The following RUBCNL variants were observed in gnomAD, a reference collection of about 807,000 sequenced individuals.
RUBCNL encodes rubicon like autophagy enhancer.
Under a neutral mutation model 69.5 loss-of-function variants are expected in RUBCNL, and 62 were observed. The observed-to-expected ratio is 0.89, with a 90% CI of 0.73 to 1.10. RUBCNL has a LOEUF of 1.10. RUBCNL is among the 50% of genes least tolerant of loss of function. RUBCNL has a pLI of 0.00. For synonymous variants in RUBCNL, 291 were observed against 303.6 expected (o/e 0.96, Z 0.43); for missense variants, 768 against 798.1 (o/e 0.96, Z 0.45).
intron 12 of RUBCNL, among the ~76,000 whole-genome samples, chr13:46,348,820 T>A (rs59926175): frequency 0.011 from 1,684 of 152,180 alleles, 26 homozygotes; most frequent in African/African-American, 0.037. Flanking sequence ...GCCAGGATGG[T>A]CTCGATCTCT....
At chr13:46,363,699 CA>C (rs1454854368) in intron 5 of RUBCNL, among the ~76,000 whole-genome samples, 2 of 151,452 alleles carry the variant, frequency 1.3e-5, no homozygotes, top group African/African-American at 4.9e-5. Context: ...ACAAAAAATA[CA>C]AAAAAATTAG....
At chr13:46,357,631 CT>C (rs61684147) in intron 9 of RUBCNL, among the ~76,000 whole-genome samples, 40,322 of 137,236 alleles carry the variant, frequency 0.29, 6,579 homozygotes, top group East Asian at 0.55. Context: ...AATTTTCTTT[CT>C]TTTTTTTTTT....
At chr13:46,381,740 G>A (rs1443397531) in intron 1 of RUBCNL, among the ~76,000 whole-genome samples, 2 of 151,994 alleles carry the variant, frequency 1.3e-5, no homozygotes, top group Non-Finnish European at 2.9e-5. Context: ...GCGCCACCAC[G>A]CCCGGCAATT....
At chr13:46,361,631 G>A in intron 7 of RUBCNL, 58 bp from the exon 8 acceptor site, 2 of 1,524,800 alleles carry the variant, frequency 1.3e-6, no homozygotes, top group South Asian at 2.4e-5. Flanking sequence ...TATGTTCAGG[G>A]TCTTCCTGAG....
At chr13:46,356,375 T>G in intron 10 of RUBCNL, 57 bp downstream of exon 10, 1 of 1,548,310 alleles carries the variant, frequency 6.5e-7, no homozygotes. Context: ...TGCCCTACTT[T>G]GCTATTCTGG....
intron 10 of RUBCNL, among the ~76,000 whole-genome samples, chr13:46,353,108 C>T (rs1354590247): frequency 6.6e-6 from 1 of 152,222 alleles, no homozygotes; most frequent in Non-Finnish European, 1.5e-5. Context: ...CACTCCTCCT[C>T]CGCTGCATTC....
At chr13:46,377,526 A>G (rs1180601013) in intron 2 of RUBCNL, among the ~76,000 whole-genome samples, 1 of 152,206 alleles carries the variant, frequency 6.6e-6, no homozygotes, top group Non-Finnish European at 1.5e-5. Context: ...GGCCTTCCAA[A>G]GCGCTGGATT....
intron 12 of RUBCNL, among the ~76,000 whole-genome samples, chr13:46,346,758 TG>T (rs1282895030): frequency 7.4e-6 from 1 of 135,070 alleles, no homozygotes; most frequent in Non-Finnish European, 1.7e-5. Flanking sequence ...GATTAGAGAC[TG>T]AAAAAAACGC....
At chr13:46,351,369 G>T (rs1294746642) in intron 10 of RUBCNL, among the ~76,000 whole-genome samples, 1 of 152,192 alleles carries the variant, frequency 6.6e-6, no homozygotes, top group Admixed American at 6.5e-5. Context: ...CCCAGAACTG[G>T]TGCAGTATCT....
At chr13:46,372,689 A>G in intron 2 of RUBCNL, 92 bp from the exon 3 acceptor site, 2 of 1,222,148 alleles carry the variant, frequency 1.6e-6, no homozygotes, top group Non-Finnish European at 2.2e-6. Context: ...CAAAAAATTT[A>G]GAAGTCTGTA....
At position 46,341,780 on chromosome 13, in the gene RUBCNL, C is replaced by T. The variant is rs1232756144; in HGVS notation, c.*1605G>A. ...AAAGACACCACAAAAGAAGCAGGGC[C>T]TAAGCATGGGCTTTGGAGGCAGGTG... On this transcript the variant is annotated 3_prime_UTR_variant, in exon 15 of 15. Coordinates refer to ENST00000429979, the MANE Select transcript of RUBCNL (RefSeq NM_025113.5). Among the ~76,000 whole-genome samples the T allele has an allele frequency of 6.6e-6, 1 of 152,358 alleles. No individual in the cohort carries two copies. The highest frequency in any genetic ancestry group is 1.9e-4 in the East Asian group (1 of 5,192).
At chr13:46,355,499 T>C (rs189516219) in intron 10 of RUBCNL, among the ~76,000 whole-genome samples, 14 of 152,234 alleles carry the variant, frequency 9.2e-5, no homozygotes, top group African/African-American at 3.4e-4. Context: ...GGTTTCACAA[T>C]GTTGGCCAGG....
Position 46,337,003 on chromosome 13 carries a change from A to G in RUBCNL, c.*6382T>C, listed in dbSNP as rs1221858498. ...TCAAAAGTCATGTGTTGAAGACCTA[A>G]CCCCCAATTGTGACAGTATTAGGAG... On this transcript the variant is annotated 3_prime_UTR_variant, in exon 15 of 15. Coordinates refer to ENST00000429979, the MANE Select transcript of RUBCNL (RefSeq NM_025113.5). Among the ~76,000 whole-genome samples the G allele has an allele frequency of 6.6e-6, 1 of 152,022 alleles. No homozygotes were observed. The highest frequency in any genetic ancestry group is 1.5e-5 in the Non-Finnish European group (1 of 67,996).
rs2048111485 is a variant in RUBCNL, at chr13:46,337,423, G to A, written c.*5962C>T. Among the ~76,000 whole-genome samples the A allele has an allele frequency of 6.6e-6, 1 of 152,042 alleles. No homozygotes were observed. The highest frequency in any genetic ancestry group is 6.6e-5 in the Admixed American group (1 of 15,264). On this transcript the variant is annotated 3_prime_UTR_variant, in exon 15 of 15. Transcript: ENST00000429979. ...CATATATCTCAACTTTGGGAGTGCTGGGATTACAAGTGTGAGCCACCGTGC... is the reference window on the plus strand; with the variant it reads ...CATATATCTCAACTTTGGGAGTGCTAGGATTACAAGTGTGAGCCACCGTGC...
rs577471192 is a variant in RUBCNL, at chr13:46,363,167, G to T, written c.873C>A (p.Tyr291Ter). The change falls in exon 6 of 15, where the codon TAC becomes TAA. Residue 291 changes from tyrosine to a stop codon, truncating the protein, a stop_gained. Transcript: ENST00000429979. LOFTEE classifies it high-confidence loss of function. ...QVSPVTETRT[Y>*]HDVKEICKCD... ...ATTTGCAAATCTCTTTCACATCATG[G>T]TAAGTACGTGTTTCAGTCACTGGGC... 1.9e-6 allele frequency: 3 copies of T among 1,599,990 alleles called. No homozygotes were observed. In the South Asian group the frequency reaches 3.4e-5, roughly 18 times the overall value.
chr13:46,345,638 C>T (rs1352587122), intron 12 of RUBCNL, 38 bp from the exon 13 acceptor site: 1 of 1,607,204 alleles, frequency 6.2e-7, no homozygotes, highest in Non-Finnish European at 8.5e-7. Context: ...CAGAAACCCA[C>T]CCACACAGAG....
intron 3 of RUBCNL, among the ~76,000 whole-genome samples, chr13:46,369,212 T>C (rs2048826861): frequency 6.6e-6 from 1 of 152,164 alleles, no homozygotes; most frequent in Non-Finnish European, 1.5e-5. Flanking sequence ...GATCTTAAAC[T>C]TCCTTTCTTC....
At position 46,336,563 on chromosome 13, in the gene RUBCNL, TTTTTA is replaced by T. The variant is rs531957369; in HGVS notation, c.*6817_*6821del. Among the ~76,000 whole-genome samples the T allele has an allele frequency of 3.0e-3, 331 of 111,636 alleles. No individual in the cohort carries two copies. The highest frequency in any genetic ancestry group is 5.1e-3 in the Non-Finnish European group (235 of 46,460). The allele number at this position is 111,636 out of a possible 152,430, so 73.2% of individuals were successfully genotyped here. ...TAGTCTAGCTTTTCTTAGCTAGACT[TTTTTA>T]TTTTATTATATTTTATTATAAAACA... On this transcript the variant is annotated 3_prime_UTR_variant, in exon 15 of 15. Transcript: ENST00000429979.
chr13:46,377,156 C>T (rs1420141862), intron 2 of RUBCNL, among the ~76,000 whole-genome samples: 1 of 152,294 alleles, frequency 6.6e-6, no homozygotes, highest in African/African-American at 2.4e-5. Context: ...CAATTTTCTA[C>T]ACATATCTTT....
Sources: gnomAD v4.1 joint callset for allele counts (sites outside exome capture counted in the v4.1 genomes callset) on GRCh38, gnomAD v4.1.1 for gene constraint, MANE v1.5 for transcripts, NCBI Gene and HGNC (gene_info 2026-07-23, HGNC 2026-07-21) for gene names.